The following MSI2 variants were observed in gnomAD, a reference collection of about 807,000 sequenced individuals.
The protein encoded by MSI2 is musashi RNA binding protein 2.
A neutral mutation model predicts 45.6 loss-of-function variants in MSI2; 17 were observed. That is an observed-to-expected ratio of 0.37 (90% CI 0.26 to 0.56). The LOEUF is 0.56. Ranked by LOEUF, MSI2 falls within the 20% of genes least tolerant of loss-of-function variation. The pLI is 0.77. For synonymous variants in MSI2, 156 were observed against 158.2 expected, an observed-to-expected ratio of 0.99 and a Z score of 0.11; for missense variants, 293 against 444.2, an observed-to-expected ratio of 0.66 and a Z score of 3.06.
chr17:57,320,411 A>C (rs1193097627), intron 5 of MSI2, among the ~76,000 whole-genome samples: 2 of 152,092 alleles, frequency 1.3e-5, no homozygotes, highest in African/African-American at 4.8e-5. Flanking sequence ...GTGATGTCTC[A>C]CTTCTTTCAG....
intron 7 of MSI2, among the ~76,000 whole-genome samples, chr17:57,570,740 A>G (rs2087855038): frequency 6.6e-6 from 1 of 152,218 alleles, no homozygotes; most frequent in Non-Finnish European, 1.5e-5. Context: ...CGCCCACTGC[A>G]ATTGCTCATA....
At chr17:57,696,525 A>C in the MSI2 span, among the ~76,000 whole-genome samples, 2 of 152,202 alleles carry the variant, frequency 1.3e-5, no homozygotes, top group Non-Finnish European at 2.9e-5. Flanking sequence ...GGATCTCTTG[A>C]GGAGTTCCAG....
At chr17:57,331,513 AG>A (rs1914274183) in intron 5 of MSI2, among the ~76,000 whole-genome samples, 2 of 152,150 alleles carry the variant, frequency 1.3e-5, no homozygotes, top group South Asian at 4.1e-4. Context: ...GAGCCACGTG[AG>A]GGTTGATCAT....
intron 5 of MSI2, among the ~76,000 whole-genome samples, chr17:57,371,550 TACACAC>T (rs72265561): frequency 0.71 from 101,938 of 143,158 alleles, 34,950 homozygotes; most frequent in Admixed American, 0.78. Context: ...GACACAGGTA[TACACAC>T]ACACACACAC....
chr17:57,694,528 G>A, the MSI2 span, among the ~76,000 whole-genome samples: 1 of 152,248 alleles, frequency 6.6e-6, no homozygotes, highest in South Asian at 2.1e-4. Context: ...AAAACCCAGT[G>A]TAAGCTCCAT....
intron 5 of MSI2, among the ~76,000 whole-genome samples, chr17:57,378,438 A>G (rs1223189456): frequency 6.6e-6 from 1 of 151,754 alleles, no homozygotes; most frequent in Non-Finnish European, 1.5e-5. Context: ...TAATTTTTCT[A>G]TTTTTAGTAG....
chr17:57,503,869 C>T (rs1039491007), intron 6 of MSI2, among the ~76,000 whole-genome samples: 1 of 152,198 alleles, frequency 6.6e-6, no homozygotes, highest in African/African-American at 2.4e-5. Flanking sequence ...CTCAGCGTCT[C>T]GAGTAGCTGG....
At chr17:57,371,109 A>C (rs866141318) in intron 5 of MSI2, among the ~76,000 whole-genome samples, 2 of 152,248 alleles carry the variant, frequency 1.3e-5, no homozygotes, top group Middle Eastern at 6.8e-3. Context: ...AAAGGAGATA[A>C]ATGTAAATTT....
rs1911216986 is a variant in MSI2 at position 57,652,283 on chromosome 17, G to GA, written c.790+123dup. ...ACACCACTCTCACCACAGCCCCGGG[G>GA]AGGGGGTGGACGGGGAGGGGGTGGA... is the stretch of plus-strand genomic sequence containing the variant. On this transcript the variant is annotated intron_variant, in intron 11 of 13. Transcript: ENST00000284073. The surrounding 1 kb of genome is among the most constrained non-coding windows in gnomAD (Gnocchi z 4.1). 9.5e-7 allele frequency: 1 copy of GA among 1,050,706 alleles called. No individual in the cohort carries two copies. The highest frequency in any genetic ancestry group is 1.6e-5 in the African/African-American group (1 of 64,220). The allele number at this position is 1,050,706 out of a possible 1,614,324, so 65.1% of individuals were successfully genotyped here.
At chr17:57,568,989 T>G (rs1598408700) in intron 7 of MSI2, among the ~76,000 whole-genome samples, 2 of 152,290 alleles carry the variant, frequency 1.3e-5, no homozygotes, top group Admixed American at 1.3e-4. Context: ...GATTGTTTCC[T>G]GTTGTAGCCT....
intron 8 of MSI2, among the ~76,000 whole-genome samples, chr17:57,599,357 G>T (rs1905607370): frequency 6.6e-6 from 1 of 152,220 alleles, no homozygotes; most frequent in Admixed American, 6.5e-5. Flanking sequence ...TGGTGCCAAA[G>T]GAACTATATA....
At chr17:57,422,857 A>G (rs62060451) in intron 6 of MSI2, among the ~76,000 whole-genome samples, 10,626 of 152,296 alleles carry the variant, frequency 0.07, 399 homozygotes, top group African/African-American at 0.092. Context: ...TTGGCAGTGC[A>G]CTTACGAATG....
chr17:57,432,050 T>C (rs1197628653), intron 6 of MSI2, among the ~76,000 whole-genome samples: 1 of 152,216 alleles, frequency 6.6e-6, no homozygotes, highest in Non-Finnish European at 1.5e-5. Flanking sequence ...CAGCCTTTAA[T>C]TGTAACTATT....
At chr17:57,575,961 A>G (rs988052940) in intron 7 of MSI2, among the ~76,000 whole-genome samples, 1 of 134,356 alleles carries the variant, frequency 7.4e-6, no homozygotes, top group African/African-American at 2.5e-5. Flanking sequence ...AAAAAAAAAA[A>G]AAAAAAAAAA....
intron 10 of MSI2, chr17:57,632,759 G>T (rs1909506073): frequency 9.4e-7 from 1 of 1,065,848 alleles, no homozygotes; most frequent in Non-Finnish European, 1.1e-6. Context: ...TCACTGCTTT[G>T]TCTGTGCTGG....
chr17:57,277,517 C>T (rs1170529590), intron 5 of MSI2, among the ~76,000 whole-genome samples: 1 of 152,210 alleles, frequency 6.6e-6, no homozygotes. Flanking sequence ...TGCCTTGCAG[C>T]TCCATGTTTC....
intron 11 of MSI2, among the ~76,000 whole-genome samples, chr17:57,670,959 G>A (rs1409232396): frequency 1.3e-5 from 2 of 152,186 alleles, no homozygotes; most frequent in Non-Finnish European, 2.9e-5. Context: ...GGGCTTGTGA[G>A]TGGCTTCTTA....
rs187175940 is a variant in MSI2, at chr17:57,263,304, T to A, written c.312+1112T>A. Among the ~76,000 whole-genome samples the A allele has an allele frequency of 3.3e-3, 500 of 152,354 alleles. 3 individuals are homozygous for A. The highest frequency in any genetic ancestry group is 0.011 in the African/African-American group (471 of 41,572). ...CCTCCTTGTTCTCTTCTCCCTTTTT[T>A]AAAGATGGAAACACAACTTTTTAAG... On this transcript the variant is annotated intron_variant, in intron 5 of 13. Coordinates refer to ENST00000284073, the MANE Select transcript of MSI2 (RefSeq NM_138962.4).
chr17:57,311,550 A>G (rs1912401583), intron 5 of MSI2, among the ~76,000 whole-genome samples: 1 of 152,034 alleles, frequency 6.6e-6, no homozygotes, highest in African/African-American at 2.4e-5. Flanking sequence ...AAGCCATAGT[A>G]TTGGCTATAT....
Sources: gnomAD v4.1 joint callset for allele counts (sites outside exome capture counted in the v4.1 genomes callset) on GRCh38, gnomAD v4.1.1 for gene constraint, Gnocchi (gnomAD v3.1) non-coding constraint, MANE v1.5 for transcripts, NCBI Gene and HGNC (gene_info 2026-07-23, HGNC 2026-07-21) for gene names.